The following EHMT1 variants were observed in gnomAD, a reference collection of about 807,000 sequenced individuals.
EHMT1 encodes histone-lysine N-methyltransferase EHMT1.
EHMT1 carries 15 observed loss-of-function variants against 147.2 expected under a neutral mutation model. That is an observed-to-expected ratio of 0.10 (90% CI 0.07 to 0.16). The LOEUF is 0.16. Among genes scored for constraint, EHMT1 ranks in the 10% least tolerant of loss-of-function variants. The probability of loss-of-function intolerance (pLI) is 1.00; values close to 1 mark genes in which losing one functional copy is unlikely to be tolerated. For missense variants in EHMT1, 1,587 were observed against 1,772.4 expected, an observed-to-expected ratio of 0.90 and a Z score of 1.88; for synonymous variants, 795 against 709.6, an observed-to-expected ratio of 1.12 and a Z score of -1.91.
At chr9:137,659,312 A>G (rs1473988805) in intron 1 of EHMT1, among the ~76,000 whole-genome samples, 1 of 151,656 alleles carries the variant, frequency 6.6e-6, no homozygotes, top group African/African-American at 2.4e-5. Flanking sequence ...ATTATTTTGC[A>G]GTTCTTTGTA....
At chr9:137,639,698 C>T (rs909965819) in intron 1 of EHMT1, among the ~76,000 whole-genome samples, 6 of 152,246 alleles carry the variant, frequency 3.9e-5, no homozygotes, top group South Asian at 2.1e-4. Context: ...TATCTTCAAT[C>T]GAAGGGATGT....
intron 9 of EHMT1, among the ~76,000 whole-genome samples, chr9:137,758,928 C>A (rs1444972213): frequency 6.6e-6 from 1 of 152,074 alleles, no homozygotes; most frequent in Non-Finnish European, 1.5e-5. Context: ...GAGATCGAGA[C>A]CATCCTGGCT....
chr9:137,743,459 C>A lies in EHMT1; in HGVS notation c.912C>A (p.Thr304=). The stretch of plus-strand genomic sequence containing the variant: ...ATAGCCTGGTTCCTAAGAAAAAGAC[C>A]AAAGTATTAAAACAGAGGACGGTGA... The part of the protein sequence containing the change: ...GTYSLVPKKK[T]KVLKQRTVIE... Residue 304 remains threonine, a synonymous_variant, in exon 5 of 27, where the codon ACC becomes ACA. Transcript: ENST00000460843. 1 of 1,613,642 alleles carries A rather than the reference C, an allele frequency of 6.2e-7. No individual in the cohort carries two copies. Among genetic ancestry groups the A allele is most frequent in the South Asian group, 1.1e-5 (1 of 91,060 alleles).
At chr9:137,729,384 C>T (rs776234010) in intron 4 of EHMT1, among the ~76,000 whole-genome samples, 7 of 152,200 alleles carry the variant, frequency 4.6e-5, no homozygotes, top group Non-Finnish European at 8.8e-5. Flanking sequence ...ATCAGGAGAT[C>T]GAGACCATCC....
intron 4 of EHMT1, among the ~76,000 whole-genome samples, chr9:137,729,414 C>A (rs2135801564): frequency 6.6e-6 from 1 of 152,168 alleles, no homozygotes; most frequent in South Asian, 2.1e-4. Context: ...CGGTGAAACC[C>A]CGTCTATACT....
At position 137,832,919 on chromosome 9, in the gene EHMT1, A is replaced by T. The variant is rs866694505; in HGVS notation, c.3541-1430A>T. 1.4e-4 allele frequency: 22 copies of T among 152,330 alleles called. No individual in the cohort carries two copies. The Middle Eastern group carries it at 0.01, about 71-fold the overall frequency. The allele number at this position is 152,330 out of a possible 1,614,324, so 9.4% of individuals were successfully genotyped here. A position where few individuals can be genotyped will look rare whatever the true frequency, so the allele number is the denominator to read the frequency against. On this transcript the variant is annotated intron_variant, in intron 25 of 26. Transcript: ENST00000460843. ...TAGATTCTTAGTCCATCAGACCCCG[A>T]AGCAGAGGCCAAAGTCCACGCCAGG...
At chr9:137,749,812 C>A (rs1468439374) in intron 6 of EHMT1, among the ~76,000 whole-genome samples, 1 of 152,208 alleles carries the variant, frequency 6.6e-6, no homozygotes, top group African/African-American at 2.4e-5. Flanking sequence ...TTGGTGGTTT[C>A]ATTGCCTTGT....
chr9:137,722,684 C>T (rs57109888), intron 3 of EHMT1, among the ~76,000 whole-genome samples: 7,498 of 151,312 alleles, frequency 0.05, 571 homozygotes, highest in African/African-American at 0.17. Context: ...GGGTGCCCCC[C>T]TGTGCCCCCG....
intron 1 of EHMT1, among the ~76,000 whole-genome samples, chr9:137,669,343 A>ACAGCACGTGCACT (rs1940164224): frequency 2.7e-4 from 2 of 7,432 alleles, no homozygotes; most frequent in Non-Finnish European, 2.5e-4. Context: ...CGTGGACCCC[A>ACAGCACGTGCACT]CACCACCCAA....
chr9:137,701,625 A>ATTTT (rs139537570), intron 1 of EHMT1, among the ~76,000 whole-genome samples: 1 of 115,660 alleles, frequency 8.6e-6, no homozygotes, highest in African/African-American at 3.6e-5. Context: ...TGCCTGGCTA[A>ATTTT]TTTTTTTTTT....
chr9:137,672,911 C>T (rs975997556), intron 1 of EHMT1, among the ~76,000 whole-genome samples: 13 of 152,138 alleles, frequency 8.5e-5, no homozygotes, highest in Admixed American at 5.9e-4. Flanking sequence ...GGAACTTTAC[C>T]GATTGCAGAG....
At chr9:137,707,466 C>A (rs1441581408) in intron 1 of EHMT1, among the ~76,000 whole-genome samples, 1 of 152,196 alleles carries the variant, frequency 6.6e-6, no homozygotes, top group Non-Finnish European at 1.5e-5. Flanking sequence ...CCTGGGCCAT[C>A]CTCAGCTGTC....
At chr9:137,805,665 CTT>C (rs869054500) in intron 18 of EHMT1, among the ~76,000 whole-genome samples, 27 of 142,358 alleles carry the variant, frequency 1.9e-4, no homozygotes, top group Admixed American at 1.4e-4. Context: ...AGTCAGTGGT[CTT>C]TTTTTTTTTT....
intron 18 of EHMT1, among the ~76,000 whole-genome samples, chr9:137,801,716 C>G (rs1019381467): frequency 2.0e-5 from 3 of 152,030 alleles, no homozygotes; most frequent in Non-Finnish European, 4.4e-5. Flanking sequence ...CCAGACTGGT[C>G]TTGAACCCCG....
At chr9:137,708,873 A>G (rs1234347911) in intron 1 of EHMT1, among the ~76,000 whole-genome samples, 2 of 152,192 alleles carry the variant, frequency 1.3e-5, no homozygotes, top group Non-Finnish European at 2.9e-5. Context: ...TTAAGTGAAG[A>G]TGCTCTGTGA....
chr9:137,818,259 C>T, intron 25 of EHMT1, 121 bp downstream of exon 25: 1 of 1,118,984 alleles, frequency 8.9e-7, no homozygotes, highest in Non-Finnish European at 1.4e-6. Context: ...AGTGGGCTTG[C>T]TATAGACCTG....
intron 1 of EHMT1, among the ~76,000 whole-genome samples, chr9:137,709,939 C>A (rs1944552939): frequency 6.6e-6 from 1 of 152,156 alleles, no homozygotes; most frequent in Non-Finnish European, 1.5e-5. Context: ...CTGACAGCTC[C>A]CACTTGCAGT....
At chr9:137,683,849 C>T (rs768770090) in intron 1 of EHMT1, among the ~76,000 whole-genome samples, 1 of 151,960 alleles carries the variant, frequency 6.6e-6, no homozygotes, top group Non-Finnish European at 1.5e-5. Context: ...CCCATTCAAG[C>T]AGAATGTCCC....
At chr9:137,627,821 AC>A (rs150171981) in intron 1 of EHMT1, among the ~76,000 whole-genome samples, 158 of 143,082 alleles carry the variant, frequency 1.1e-3, no homozygotes, top group African/African-American at 4.0e-3. Flanking sequence ...CTGCCTCATT[AC>A]CCCCCCACCC....
Sources: gnomAD v4.1 joint callset for allele counts (sites outside exome capture counted in the v4.1 genomes callset) on GRCh38, gnomAD v4.1.1 for gene constraint, MANE v1.5 for transcripts, NCBI Gene and HGNC (gene_info 2026-07-23, HGNC 2026-07-21) for gene names.